Variants in SERPINB8 observed in about 807,000 individuals in gnomAD.
SERPINB8 encodes the protein serpin family B member 8.
SERPINB8 carries 25 observed loss-of-function variants against 35.3 expected under a neutral mutation model. That is an observed-to-expected ratio of 0.71 (90% CI 0.52 to 0.99). SERPINB8 has a LOEUF of 0.99. Among genes scored for constraint, SERPINB8 ranks in the 50% least tolerant of loss-of-function variants. The pLI, the probability that SERPINB8 is intolerant of heterozygous loss-of-function variation, is 0.00. For synonymous variants in SERPINB8, 186 were observed against 160.8 expected (o/e 1.16, Z -1.19); for missense variants, 484 against 446.5 (o/e 1.08, Z -0.76).
chr18:64,001,630 A>C (rs1298100948), intron 1 of SERPINB8, among the ~76,000 whole-genome samples: 1 of 152,008 alleles, frequency 6.6e-6, no homozygotes, highest in Non-Finnish European at 1.5e-5. Flanking sequence ...AGCTGCGATT[A>C]TAGGCGCCCA....
At chr18:63,985,486 G>T (rs1432689588) in intron 6 of SERPINB8, among the ~76,000 whole-genome samples, 1 of 152,104 alleles carries the variant, frequency 6.6e-6, no homozygotes, top group Non-Finnish European at 1.5e-5. Flanking sequence ...ATTATTATTT[G>T]GAATATTATT....
chr18:63,998,783 C>T (rs1255257720), intron 1 of SERPINB8, among the ~76,000 whole-genome samples: 1 of 152,198 alleles, frequency 6.6e-6, no homozygotes, highest in Non-Finnish European at 1.5e-5. Flanking sequence ...CTTGCTTCTC[C>T]ATTTACTCCC....
At position 63,988,999 on chromosome 18, in the gene SERPINB8, T is replaced by C. The variant is rs2050802223; in HGVS notation, c.*1721T>C. On this transcript the variant is annotated 3_prime_UTR_variant, in exon 7 of 7. Coordinates refer to ENST00000397985, the MANE Select transcript of SERPINB8 (RefSeq NM_002640.4). The stretch of plus-strand genomic sequence containing the variant: ...CTATCTATCATACTCCCAAATTCCT[T>C]CTTGCATCTTTGTAATTTCTCACTC... 6.6e-6 allele frequency: 1 copy of C among 152,216 alleles called. No individual in the cohort carries two copies. Among genetic ancestry groups the C allele is most frequent in the Non-Finnish European group, 1.5e-5 (1 of 68,038 alleles). The allele number at this position is 152,216 out of a possible 1,614,324, so 9.4% of individuals were successfully genotyped here.
intron 1 of SERPINB8, among the ~76,000 whole-genome samples, chr18:63,997,872 G>A (rs2050857508): frequency 6.6e-6 from 1 of 152,186 alleles, no homozygotes; most frequent in African/African-American, 2.4e-5. Flanking sequence ...CAAAGGCAAT[G>A]AGCCAATCAA....
chr18:63,979,733 G>T, intron 2 of SERPINB8, 68 bp from the exon 3 acceptor site: 1 of 1,586,736 alleles, frequency 6.3e-7, no homozygotes. Flanking sequence ...ACAGAGGTTT[G>T]TTTGGAGAAA....
At chr18:63,999,006 C>T (rs545737100) in intron 1 of SERPINB8, among the ~76,000 whole-genome samples, 1 of 152,316 alleles carries the variant, frequency 6.6e-6, no homozygotes, top group Non-Finnish European at 1.5e-5. Flanking sequence ...ATTAAGAGCA[C>T]TATTCTTGCT....
At chr18:64,016,831 T>C (rs1242567552) in intron 7 of SERPINB8, among the ~76,000 whole-genome samples, 2 of 152,208 alleles carry the variant, frequency 1.3e-5, no homozygotes, top group Non-Finnish European at 2.9e-5. Flanking sequence ...TCATTTTCCA[T>C]GATATGTTCT....
intron 7 of SERPINB8, among the ~76,000 whole-genome samples, chr18:64,011,648 A>G (rs2050926507): frequency 6.6e-6 from 1 of 152,116 alleles, no homozygotes; most frequent in South Asian, 2.1e-4. Flanking sequence ...AGCTGCCATT[A>G]ATTTTGAAAC....
At position 63,987,299 on chromosome 18, in the gene SERPINB8, T is replaced by G; in HGVS notation, c.*21T>G. 1 of 1,586,564 alleles carries G rather than the reference T, an allele frequency of 6.3e-7. No homozygotes were observed. The highest frequency in any genetic ancestry group is 8.6e-7 in the Non-Finnish European group (1 of 1,165,296). ...CGTAAAGAGGAGCAATTGCTGTACATACCCTCCTTTCCTTCTACCTATCTT... is the reference window on the plus strand; with the variant it reads ...CGTAAAGAGGAGCAATTGCTGTACAGACCCTCCTTTCCTTCTACCTATCTT... On this transcript the variant is annotated 3_prime_UTR_variant, in exon 7 of 7. Coordinates refer to ENST00000397985, the MANE Select transcript of SERPINB8 (RefSeq NM_002640.4).
At chr18:63,980,412 T>C (rs17072330) in intron 3 of SERPINB8, among the ~76,000 whole-genome samples, 4,093 of 152,332 alleles carry the variant, frequency 0.027, 169 homozygotes, top group African/African-American at 0.093. Flanking sequence ...TACTTCAGCA[T>C]ATAATTCCAA....
chr18:63,987,036 G>C lies in SERPINB8; in HGVS notation c.883G>C (p.Ala295Pro), dbSNP rs750331210. The C allele has an allele frequency of 9.3e-6, 15 of 1,614,190 alleles. No homozygotes were observed. Among genetic ancestry groups the C allele is most frequent in the Non-Finnish European group, 1.3e-5 (15 of 1,180,030 alleles). The change falls in exon 7 of 7, where the codon GCC (alanine) becomes CCC (proline). Residue 295 changes from alanine (A) to proline (P), a missense_variant. Transcript: ENST00000397985. ...RLGMIDAFDEAKADFSGMSTE... is the reference protein window; with the variant it reads ...RLGMIDAFDEPKADFSGMSTE... ...AGGAATGATCGATGCTTTTGACGAA[G>C]CCAAGGCAGACTTTTCTGGAATGTC...
rs1242172996 is a variant in SERPINB8 at position 63,979,800 on chromosome 18, G to C, written c.169-1G>C. On this transcript the variant is annotated splice_acceptor_variant, in intron 2 of 6. Transcript: ENST00000397985. LOFTEE classifies it high-confidence loss of function. ...AAGTCAGTGTTGGTTTCTGTTCCCA[G>C]GCACTTTGTTTATACAAAGACGGAG... 2 of 1,614,002 alleles carry C rather than the reference G, an allele frequency of 1.2e-6. No homozygotes were observed. The highest frequency in any genetic ancestry group is 1.7e-6 in the Non-Finnish European group (2 of 1,179,964).
intron 1 of SERPINB8, 31 bp downstream of exon 1, chr18:63,970,201 C>T: frequency 3.6e-6 from 1 of 280,544 alleles, no homozygotes; most frequent in South Asian, 3.2e-5. Flanking sequence ...CCGGGCGGGG[C>T]AGGCACGGAG....
At chr18:64,000,840 G>A (rs1485372968) in intron 1 of SERPINB8, among the ~76,000 whole-genome samples, 1 of 152,166 alleles carries the variant, frequency 6.6e-6, no homozygotes. Context: ...TTGGCTCAGT[G>A]TCTTAATGGA....
chr18:63,980,013 T>G, intron 3 of SERPINB8, 75 bp downstream of exon 3: 2 of 1,451,102 alleles, frequency 1.4e-6, no homozygotes, highest in Non-Finnish European at 1.9e-6. Context: ...TAATAAAGTA[T>G]AACTGTACTG....
intron 1 of SERPINB8, among the ~76,000 whole-genome samples, chr18:63,972,648 C>T (rs1427058628): frequency 6.7e-6 from 1 of 150,232 alleles, no homozygotes; most frequent in Non-Finnish European, 1.5e-5. Flanking sequence ...TCCCCCCCGC[C>T]CACCCCACAG....
intron 7 of SERPINB8, among the ~76,000 whole-genome samples, chr18:64,015,233 C>T (rs974547373): frequency 3.3e-5 from 5 of 152,190 alleles, no homozygotes; most frequent in African/African-American, 1.2e-4. Context: ...TGAACTTCAA[C>T]TTCAGCCCTG....
intron 7 of SERPINB8, among the ~76,000 whole-genome samples, chr18:64,013,853 T>C (rs929338374): frequency 1.3e-5 from 2 of 152,134 alleles, no homozygotes; most frequent in Admixed American, 6.5e-5. Flanking sequence ...AGAAACAGTG[T>C]CTATGTGGAA....
intron 2 of SERPINB8, among the ~76,000 whole-genome samples, chr18:63,979,593 C>T (rs970678620): frequency 3.3e-5 from 5 of 152,166 alleles, no homozygotes; most frequent in South Asian, 2.1e-4. Context: ...AAAAATCCTA[C>T]AATGCTTATA....
Sources: allele counts gnomAD v4.1 joint callset (sites outside exome capture counted in the v4.1 genomes callset), GRCh38; gene constraint gnomAD v4.1.1; transcripts MANE v1.5; gene names NCBI Gene and HGNC (gene_info 2026-07-23, HGNC 2026-07-21).